Variants in SASH1 observed in about 807,000 individuals in gnomAD.
SASH1 encodes SAM and SH3 domain-containing protein 1.
A neutral mutation model predicts 125.2 loss-of-function variants in SASH1; 44 were observed. The ratio of observed to expected loss-of-function variants is 0.35; its 90% CI spans 0.28 to 0.45. The LOEUF is 0.45. Ranked by LOEUF, SASH1 falls within the 20% of genes least tolerant of loss-of-function variation. The pLI is 1.00. For synonymous variants in SASH1, 639 were observed against 649.1 expected, an observed-to-expected ratio of 0.98 and a Z score of 0.24; for missense variants, 1,426 against 1,614.5, an observed-to-expected ratio of 0.88 and a Z score of 2.00.
Position 148,532,567 on chromosome 6 carries a change from C to T in SASH1, c.1565-230C>T, listed in dbSNP as rs1157194993. On this transcript the variant is annotated intron_variant, in intron 13 of 19. Coordinates refer to ENST00000367467, the MANE Select transcript of SASH1 (RefSeq NM_015278.5). The surrounding 1 kb of genome is among the most constrained non-coding windows in gnomAD (Gnocchi z 4.7). ...CGGGATCCTCCGTGCCACATGGATTCCCAGGTCATGAGGGTAACTTGCTGT... is the reference window on the plus strand; with the variant it reads ...CGGGATCCTCCGTGCCACATGGATTTCCAGGTCATGAGGGTAACTTGCTGT... Among the ~76,000 whole-genome samples, 1 of 152,126 alleles carries T rather than the reference C, an allele frequency of 6.6e-6. No individual in the cohort carries two copies. Among genetic ancestry groups the T allele is most frequent in the Non-Finnish European group, 1.5e-5 (1 of 68,026 alleles).
chr6:148,450,270 T>C (rs1032478742), intron 4 of SASH1, among the ~76,000 whole-genome samples: 9 of 152,178 alleles, frequency 5.9e-5, no homozygotes, highest in African/African-American at 2.2e-4. Flanking sequence ...CATCTATAAA[T>C]TAGGACCTGT....
Position 148,519,483 on chromosome 6 carries a change from A to T in SASH1, c.863-64A>T, listed in dbSNP as rs374133558. On this transcript the variant is annotated intron_variant, in intron 9 of 19. Transcript: ENST00000367467. This position sits in a 1 kb window ranked among gnomAD's most constrained non-coding sequence, Gnocchi z 4.8. ...TGATACGGAGAAAGGTGGTGAATGT[A>T]AAGAAAGATGTATGCAAGAATGCAA... 11 of 1,232,426 alleles carry T rather than the reference A, an allele frequency of 8.9e-6. No individual in the cohort carries two copies. The highest frequency in any genetic ancestry group is 4.7e-5 in the East Asian group (2 of 42,774). 76.3% of individuals were successfully genotyped at this position (1,232,426 alleles called of 1,614,324 possible).
the SASH1 span, among the ~76,000 whole-genome samples, chr6:148,245,628 A>G: frequency 6.6e-6 from 1 of 152,088 alleles, no homozygotes; most frequent in South Asian, 2.1e-4. Flanking sequence ...TGTTAGTGAG[A>G]AGGGGGTAGT....
chr6:148,206,704 C>T, the SASH1 span, among the ~76,000 whole-genome samples: 5 of 151,500 alleles, frequency 3.3e-5, no homozygotes, highest in South Asian at 4.2e-4. Flanking sequence ...ACAGGAGAAT[C>T]GCTTAAACCT....
At chr6:148,421,215 A>AAGAAAG (rs1554255027) in intron 2 of SASH1, among the ~76,000 whole-genome samples, 7 of 125,634 alleles carry the variant, frequency 5.6e-5, no homozygotes, top group East Asian at 2.6e-4. Context: ...GAAAGAAAGA[A>AAGAAAG]AAAGAAAGAA....
chr6:148,295,669 G>T (rs528517355), intron 1 of SASH1, among the ~76,000 whole-genome samples: 26 of 152,368 alleles, frequency 1.7e-4, no homozygotes, highest in African/African-American at 6.3e-4. Context: ...TTAAGCTGAT[G>T]GCGGCGTATG....
the SASH1 span, among the ~76,000 whole-genome samples, chr6:148,240,498 A>G: frequency 3.3e-5 from 5 of 152,180 alleles, no homozygotes; most frequent in African/African-American, 1.2e-4. Context: ...TTTTCCCCCT[A>G]CAGTTATAAT....
chr6:148,326,371 T>TGC (rs1780821965), intron 1 of SASH1, among the ~76,000 whole-genome samples: 10 of 74,474 alleles, frequency 1.3e-4, no homozygotes, highest in Admixed American at 3.7e-4. Context: ...TATATATATA[T>TGC]ATACATTCTT....
At chr6:148,240,690 G>T in the SASH1 span, among the ~76,000 whole-genome samples, 1 of 152,238 alleles carries the variant, frequency 6.6e-6, no homozygotes, top group African/African-American at 2.4e-5. Flanking sequence ...GGGCCAAGAC[G>T]ACTCACAGTA....
At chr6:148,334,381 T>C (rs1781087427) in intron 1 of SASH1, among the ~76,000 whole-genome samples, 1 of 132,340 alleles carries the variant, frequency 7.6e-6, no homozygotes, top group African/African-American at 2.9e-5. Context: ...TGAGCCGAGA[T>C]TGCGCCACTG....
chr6:148,512,057 C>T (rs373552008), intron 8 of SASH1, among the ~76,000 whole-genome samples: 65 of 150,904 alleles, frequency 4.3e-4, no homozygotes, highest in East Asian at 3.1e-3. Flanking sequence ...CTCGCTCTGT[C>T]GCCCAGGCTG....
the SASH1 span, among the ~76,000 whole-genome samples, chr6:148,221,811 C>T: frequency 6.6e-6 from 1 of 152,200 alleles, no homozygotes; most frequent in South Asian, 2.1e-4. Context: ...AGGAGAAGTT[C>T]AAGTCCATTA....
At chr6:148,213,137 G>A in the SASH1 span, among the ~76,000 whole-genome samples, 1 of 152,210 alleles carries the variant, frequency 6.6e-6, no homozygotes, top group Non-Finnish European at 1.5e-5. Flanking sequence ...CTGAGTTAGA[G>A]TGAAATCGAA....
At chr6:148,371,839 T>C (rs1259559897) in intron 1 of SASH1, among the ~76,000 whole-genome samples, 1 of 152,176 alleles carries the variant, frequency 6.6e-6, no homozygotes, top group Non-Finnish European at 1.5e-5. Flanking sequence ...AATGGCCTAC[T>C]GAGAATCTTT....
chr6:148,367,145 A>G (rs2114730208), intron 1 of SASH1, among the ~76,000 whole-genome samples: 1 of 151,818 alleles, frequency 6.6e-6, no homozygotes, highest in Non-Finnish European at 1.5e-5. Flanking sequence ...GCTGGTCTCG[A>G]ACTCCTGACC....
the SASH1 span, among the ~76,000 whole-genome samples, chr6:148,205,333 G>A: frequency 6.6e-6 from 1 of 152,116 alleles, no homozygotes; most frequent in East Asian, 1.9e-4. Flanking sequence ...TGGGCCTTGC[G>A]CTTGGTTGCC....
At chr6:148,454,350 G>C (rs1357062337) in intron 4 of SASH1, among the ~76,000 whole-genome samples, 1 of 152,224 alleles carries the variant, frequency 6.6e-6, no homozygotes. Flanking sequence ...GGAAAAAAAA[G>C]AGCTACTTTC....
chr6:148,537,774 T>TTGTGTG (rs1173037021), intron 16 of SASH1, among the ~76,000 whole-genome samples: 2 of 110,740 alleles, frequency 1.8e-5, no homozygotes, highest in African/African-American at 6.7e-5. Context: ...TCTTAGCATA[T>TTGTGTG]TCTGTGTGTG....
chr6:148,338,826 G>A (rs1289346228), upstream of SASH1, among the ~76,000 whole-genome samples: 2 of 151,940 alleles, frequency 1.3e-5, no homozygotes, highest in Admixed American at 6.6e-5. Flanking sequence ...CCAACATGGT[G>A]AAACCCCATT....
Sources: gnomAD v4.1 joint callset for allele counts (sites outside exome capture counted in the v4.1 genomes callset) on GRCh38, gnomAD v4.1.1 for gene constraint, Gnocchi (gnomAD v3.1) non-coding constraint, MANE v1.5 for transcripts, NCBI Gene and HGNC (gene_info 2026-07-23, HGNC 2026-07-21) for gene names.